Variants in GPATCH11 observed in about 807,000 individuals in gnomAD.
GPATCH11 encodes the protein G-patch domain containing 11, also known as G patch domain-containing protein 11.
A neutral mutation model predicts 44.8 loss-of-function variants in GPATCH11; 32 were observed. The ratio of observed to expected loss-of-function variants is 0.71; its 90% CI spans 0.54 to 0.96. The LOEUF (loss-of-function observed/expected upper bound fraction) is 0.96, where lower values mean the gene tolerates loss of function less well. GPATCH11 is among the 40% of genes least tolerant of loss of function. The probability of loss-of-function intolerance (pLI) is 0.00; values close to 1 mark genes in which losing one functional copy is unlikely to be tolerated. For missense variants in GPATCH11, 324 were observed against 303.1 expected (o/e 1.07, Z -0.51); for synonymous variants, 84 against 94.4 (o/e 0.89, Z 0.64).
In GPATCH11 at chr2:37,089,625, T is replaced by C; in HGVS notation, c.60-15T>C. The C allele has an allele frequency of 6.6e-7, 1 of 1,517,876 alleles. No individual in the cohort carries two copies. Among genetic ancestry groups the C allele is most frequent in the Non-Finnish European group, 8.9e-7 (1 of 1,121,260 alleles). 94.0% of individuals were successfully genotyped at this position (1,517,876 alleles called of 1,614,324 possible). A position where few individuals can be genotyped will look rare whatever the true frequency, so the allele number is the denominator to read the frequency against. ...CTTTATGGACTCATCTAAAATAAAC[T>C]TTTCCCTTATTCAGAGAAGATATCA... On this transcript the variant is annotated splice_polypyrimidine_tract_variant and intron_variant, in intron 2 of 8. Transcript: ENST00000674370.
chr2:37,096,381 T>C lies in GPATCH11; in HGVS notation c.*118T>C. ...GTAAAGAAAGGGGGACTTTATATAATGTTTTGTTCTTTTTGTACTTTAGAA... is the reference window on the plus strand; with the variant it reads ...GTAAAGAAAGGGGGACTTTATATAACGTTTTGTTCTTTTTGTACTTTAGAA... On this transcript the variant is annotated 3_prime_UTR_variant, in exon 9 of 9. Transcript: ENST00000674370. 1.5e-6 allele frequency: 1 copy of C among 667,226 alleles called. No homozygotes were observed. The allele number at this position is 667,226 out of a possible 1,614,324, so 41.3% of individuals were successfully genotyped here. A position where few individuals can be genotyped will look rare whatever the true frequency, so the allele number is the denominator to read the frequency against.
In GPATCH11 at chr2:37,096,245, T is replaced by G; in HGVS notation, c.774T>G (p.Thr258=). ...TATCTTCAAATTGTCCAGGACCAAC[T>G]TCTGCAGATCATGACTAAGATTATT... is the stretch of plus-strand genomic sequence containing the variant. ...EDLSSNCPGP[T]SADHD is the part of the protein sequence containing the mutation. Residue 258 remains threonine (T), a synonymous_variant, in exon 9 of 9, where the codon ACT becomes ACG. Transcript: ENST00000674370. The G allele has an allele frequency of 6.3e-7, 1 of 1,588,964 alleles. No homozygotes were observed. The highest frequency in any genetic ancestry group is 8.6e-7 in the Non-Finnish European group (1 of 1,165,332).
rs538058819 is a variant in GPATCH11 at position 37,094,418 on chromosome 2, G to A, written c.654+223G>A. On this transcript the variant is annotated intron_variant, in intron 7 of 8. Transcript: ENST00000674370. Reference sequence around the variant, plus strand: ...TCCCCGAGGGGAAAAATAACCCCTGGTTGAGAGGTACTGCATTGCAGGATT... The same window carrying A: ...TCCCCGAGGGGAAAAATAACCCCTGATTGAGAGGTACTGCATTGCAGGATT... 6.5e-5 allele frequency: 27 copies of A among 417,902 alleles called. No homozygotes were observed. In the South Asian group the frequency reaches 7.6e-4, roughly 12 times the overall value. 25.9% of individuals were successfully genotyped at this position (417,902 alleles called of 1,614,324 possible).
rs1182287578 is a variant in GPATCH11 at position 37,098,644 on chromosome 2, GA to G, written c.*2383del. 2 of 152,204 alleles carry G rather than the reference GA, an allele frequency of 1.3e-5. No individual in the cohort carries two copies. Among genetic ancestry groups the G allele is most frequent in the East Asian group, 3.8e-4 (2 of 5,198 alleles). 9.4% of individuals were successfully genotyped at this position (152,204 alleles called of 1,614,324 possible). ...TGAGAATGCCAGGATAACACTGATG[GA>G]ACCCATGACTTCACCAGGATTGTGG... On this transcript the variant is annotated 3_prime_UTR_variant, in exon 9 of 9. Coordinates refer to ENST00000674370, the MANE Select transcript of GPATCH11 (RefSeq NM_174931.4).
chr2:37,089,425 G>C (rs1330091166), intron 2 of GPATCH11, among the ~76,000 whole-genome samples: 1 of 152,032 alleles, frequency 6.6e-6, no homozygotes, highest in African/African-American at 2.4e-5. Flanking sequence ...AAAATAGCCG[G>C]GCATGGTCGT....
intron 1 of GPATCH11, among the ~76,000 whole-genome samples, chr2:37,085,969 C>A (rs571088881): frequency 1.3e-5 from 2 of 152,326 alleles, no homozygotes; most frequent in Admixed American, 6.5e-5. Context: ...CAGTTCCAAT[C>A]GTGTGACCTT....
intron 6 of GPATCH11, among the ~76,000 whole-genome samples, 153 bp downstream of exon 6, chr2:37,092,408 G>T (rs1673376808): frequency 7.0e-6 from 1 of 142,234 alleles, no homozygotes; most frequent in African/African-American, 2.6e-5. Flanking sequence ...ATATTTATAT[G>T]TATCATATAT....
chr2:37,092,230 C>A lies in GPATCH11; in HGVS notation c.515C>A (p.Ala172Asp), dbSNP rs1387186113. 16 of 1,521,064 alleles carry A rather than the reference C, an allele frequency of 1.1e-5. No homozygotes were observed. The highest frequency in any genetic ancestry group is 1.4e-5 in the Non-Finnish European group (16 of 1,138,346). The allele number at this position is 1,521,064 out of a possible 1,614,324, so 94.2% of individuals were successfully genotyped here. ...GGAGATCTCAGAAGAAGCCAGCGAG[C>A]CTGTCAACAACTGGATGTCCAGAAA... Reference protein sequence around the residue: ...LEGDLRRSQRACQQLDVQKNI... With the variant: ...LEGDLRRSQRDCQQLDVQKNI... The change falls in exon 6 of 9, where the codon GCC (alanine) becomes GAC (aspartate). Residue 172 changes from alanine to aspartate, a missense_variant. Coordinates refer to ENST00000674370, the MANE Select transcript of GPATCH11 (RefSeq NM_174931.4).
At chr2:37,096,070 T>A in intron 8 of GPATCH11, 138 bp from the exon 9 acceptor site, 1 of 612,150 alleles carries the variant, frequency 1.6e-6, no homozygotes, top group Non-Finnish European at 2.8e-6. Flanking sequence ...CATTTTTGGT[T>A]ATTGTTGTTT....
Position 37,095,844 on chromosome 2 carries a change from T to A in GPATCH11, c.736+326T>A, listed in dbSNP as rs143502727. 2.5e-4 allele frequency among the ~76,000 whole-genome samples: 38 copies of A among 152,334 alleles called. No individual in the cohort carries two copies. In the East Asian group the frequency reaches 4.4e-3, roughly 18 times the overall value. Reference sequence around the variant, plus strand: ...GATATTTGAAAGAATTTATATTAAATTTTAGAGCTAATTTTTATATACTTA... The same window carrying A: ...GATATTTGAAAGAATTTATATTAAAATTTAGAGCTAATTTTTATATACTTA... On this transcript the variant is annotated intron_variant, in intron 8 of 8. Transcript: ENST00000674370.
intron 6 of GPATCH11, among the ~76,000 whole-genome samples, chr2:37,092,469 T>TCA (rs1002957660): frequency 7.9e-5 from 11 of 139,228 alleles, no homozygotes; most frequent in African/African-American, 2.8e-4. Context: ...TTTTATGTAT[T>TCA]TATATATATA....
rs763367089 is a variant in GPATCH11 at position 37,096,283 on chromosome 2, G to A, written c.*20G>A. The A allele has an allele frequency of 2.6e-6, 4 of 1,517,316 alleles. No homozygotes were observed. Among genetic ancestry groups the A allele is most frequent in the Non-Finnish European group, 3.6e-6 (4 of 1,113,632 alleles). 94.0% of individuals were successfully genotyped at this position (1,517,316 alleles called of 1,614,324 possible). On this transcript the variant is annotated 3_prime_UTR_variant, in exon 9 of 9. Coordinates refer to ENST00000674370, the MANE Select transcript of GPATCH11 (RefSeq NM_174931.4). ...GACTAAGATTATTCCCAATAAAGTG[G>A]AAACTTGAAAAATGTTATTACTTCC... is the stretch of plus-strand genomic sequence containing the variant.
At chr2:37,084,665 A>G in intron 1 of GPATCH11, 95 bp downstream of exon 1, 1 of 1,040,190 alleles carries the variant, frequency 9.6e-7, no homozygotes, top group Non-Finnish European at 1.2e-6. Context: ...ACCGTCAGCC[A>G]CTTTTCCATC....
intron 1 of GPATCH11, among the ~76,000 whole-genome samples, chr2:37,087,869 GT>G (rs1386436151): frequency 6.6e-6 from 1 of 152,200 alleles, no homozygotes; most frequent in African/African-American, 2.4e-5. Context: ...ACAGGGTCAG[GT>G]TTAATGAAGG....
Position 37,094,147 on chromosome 2 carries a change from A to G in GPATCH11, c.606A>G (p.Glu202=). The stretch of plus-strand genomic sequence containing the variant: ...TTGAAGAGGAGACTGAAGAAGATGA[A>G]GAAGAAAAAGAACAGGATGAAGATG... ...LRLEEETEED[E]EEKEQDEDEY... The change falls in exon 7 of 9, where the codon GAA becomes GAG. Residue 202 remains glutamate, a synonymous_variant. Coordinates refer to ENST00000674370, the MANE Select transcript of GPATCH11 (RefSeq NM_174931.4). 6.3e-7 allele frequency: 1 copy of G among 1,582,660 alleles called. No homozygotes were observed. Among genetic ancestry groups the G allele is most frequent in the South Asian group, 1.2e-5 (1 of 86,302 alleles).
chr2:37,085,608 G>T (rs1412045432), intron 1 of GPATCH11, among the ~76,000 whole-genome samples: 1 of 152,202 alleles, frequency 6.6e-6, no homozygotes, highest in Non-Finnish European at 1.5e-5. Context: ...ATAAAAAACA[G>T]AATAGTGACT....
chr2:37,085,874 G>A (rs1673002374), intron 1 of GPATCH11, among the ~76,000 whole-genome samples: 1 of 152,218 alleles, frequency 6.6e-6, no homozygotes, highest in South Asian at 2.1e-4. Flanking sequence ...GTCATTTGAA[G>A]GCCTGACTGG....
chr2:37,086,785 C>A (rs953101142), intron 1 of GPATCH11, among the ~76,000 whole-genome samples: 1 of 152,144 alleles, frequency 6.6e-6, no homozygotes. Flanking sequence ...GGTGATAGAA[C>A]GAGATTCTGT....
At chr2:37,094,052 G>A in intron 6 of GPATCH11, 30 bp from the exon 7 acceptor site, 2 of 1,253,348 alleles carry the variant, frequency 1.6e-6, no homozygotes, top group Non-Finnish European at 2.3e-6. Context: ...TGTTTAGTAT[G>A]TTTAATTGAG....
Sources: gnomAD v4.1 joint callset for allele counts (sites outside exome capture counted in the v4.1 genomes callset) on GRCh38, gnomAD v4.1.1 for gene constraint, MANE v1.5 for transcripts, NCBI Gene and HGNC (gene_info 2026-07-23, HGNC 2026-07-21) for gene names.